Variants in ZNF568 observed in about 807,000 individuals in gnomAD.
ZNF568 encodes zinc finger protein 568, also known as p53 inhibitor of SCO2 activation.
In ZNF568, 11 loss-of-function variants were observed where a neutral mutation model predicts 18.1. The observed-to-expected ratio is 0.61, with a 90% CI of 0.38 to 1.00. The LOEUF (loss-of-function observed/expected upper bound fraction) is 1.00, where lower values mean the gene tolerates loss of function less well. ZNF568 is among the 50% of genes least tolerant of loss of function. The probability of loss-of-function intolerance (pLI) is 0.01; values close to 1 mark genes in which losing one functional copy is unlikely to be tolerated. For synonymous variants in ZNF568, 213 were observed against 246.6 expected, an observed-to-expected ratio of 0.86 and a Z score of 1.28; for missense variants, 639 against 768.2, an observed-to-expected ratio of 0.83 and a Z score of 1.99.
At chr19:36,991,508 T>G (rs1242890952) in intron 3 of ZNF568, 22 of 679,074 alleles carry the variant, frequency 3.2e-5, no homozygotes, top group Non-Finnish European at 1.2e-5. Flanking sequence ...TTCATTATTT[T>G]CATACCTCCC....
intron 6 of ZNF568, among the ~76,000 whole-genome samples, chr19:36,963,270 T>C (rs750099584): frequency 1.8e-4 from 27 of 152,328 alleles, no homozygotes; most frequent in Non-Finnish European, 3.7e-4. Flanking sequence ...TTATGAAAAT[T>C]CTTAATTTCA....
chr19:36,979,077 G>A (rs577128047), exon 8 of ZNF568: 109 of 281,936 alleles, frequency 3.9e-4, no homozygotes, highest in South Asian at 1.9e-3. Context: ...TCTGCCTCCC[G>A]AGTTGAAGTG....
At chr19:36,997,621 G>A, downstream of ZNF568, 1 of 1,520,238 alleles carries the variant, frequency 6.6e-7, no homozygotes. Context: ...TCATACTGGT[G>A]AGAAACCATA....
At chr19:36,991,870 G>A (rs1644682) in intron 4 of ZNF568, 810,019 of 1,541,776 alleles carry the variant, frequency 0.53, 215,116 homozygotes, top group African/African-American at 0.61. Context: ...AACTGGAATG[G>A]GGAGGCCATA....
Position 36,949,952 on chromosome 19 carries a change from A to G in ZNF568, c.799A>G (p.Thr267Ala). 1.2e-6 allele frequency: 2 copies of G among 1,613,892 alleles called. No individual in the cohort carries two copies. The highest frequency in any genetic ancestry group is 1.7e-6 in the Non-Finnish European group (2 of 1,179,952). Residue 267 changes from threonine to alanine, a missense_variant, in exon 7 of 7, where the codon ACA (threonine) becomes GCA (alanine). By Grantham distance (58) the Thr-to-Ala change is moderately conservative (BLOSUM62 0). Transcript: ENST00000333987. ...CTTCAGTAGGAAGGAAAATCTTATT[A>G]CACATCAGAAAATTCATACTGGGGA... ...KAFSRKENLI[T>A]HQKIHTGEKP...
intron 6 of ZNF568, among the ~76,000 whole-genome samples, chr19:36,961,292 A>C: frequency 1.3e-5 from 1 of 78,852 alleles, no homozygotes; most frequent in South Asian, 4.0e-4. Flanking sequence ...TTTTTTTTTT[A>C]ACTCTTTTTG....
chr19:36,987,887 C>T (rs1286208351), intron 2 of ZNF568, among the ~76,000 whole-genome samples: 1 of 144,502 alleles, frequency 6.9e-6, no homozygotes, highest in Admixed American at 7.0e-5. Context: ...TGAAGGGATT[C>T]ATTCTCAGGC....
exon 5 of ZNF568, chr19:36,996,792 T>C: frequency 5.1e-6 from 8 of 1,553,844 alleles, no homozygotes; most frequent in Non-Finnish European, 6.9e-6. Flanking sequence ...AGAAACCTCA[T>C]AAATGTAAGG....
rs146521007 is a variant in ZNF568, at chr19:36,919,832, G to A, written c.-186+2184G>A. On this transcript the variant is annotated intron_variant, in intron 2 of 6. Coordinates refer to ENST00000333987, the MANE Select transcript of ZNF568 (RefSeq NM_198539.4). Reference sequence around the variant, plus strand: ...CTCATGTGTTTGCAGTGATGCTGCTGTAAACAAACCTACTCTGCTGCCAGT... The same window carrying A: ...CTCATGTGTTTGCAGTGATGCTGCTATAAACAAACCTACTCTGCTGCCAGT... Among the ~76,000 whole-genome samples the A allele has an allele frequency of 2.2e-4, 33 of 152,240 alleles. No individual in the cohort carries two copies. The East Asian group carries it at 3.1e-3, about 14-fold the overall frequency.
rs530672150 is a variant in ZNF568, at chr19:36,997,137, G to A, written c.1050G>A (p.Arg350=). 5.7e-6 allele frequency: 9 copies of A among 1,577,170 alleles called. No homozygotes were observed. The East Asian group carries it at 1.6e-4, about 28-fold the overall frequency. ...CTGGTGAAAGACGCTATGAATGCAG[G>A]GAGTGTGGAAAGGTGTACAGTTGTG... Residue 350 remains arginine, a synonymous_variant, in exon 5 of 5, where the codon AGG becomes AGA. Transcript: ENST00000433993.
chr19:36,953,503 A>G (rs566511292), downstream of ZNF568, among the ~76,000 whole-genome samples: 1 of 152,318 alleles, frequency 6.6e-6, no homozygotes, highest in African/African-American at 2.4e-5. Context: ...CCTCTTGAAG[A>G]GTCTCATTCT....
chr19:36,994,227 C>T (rs1243749554), intron 4 of ZNF568, among the ~76,000 whole-genome samples: 1 of 152,036 alleles, frequency 6.6e-6, no homozygotes, highest in Admixed American at 6.6e-5. Flanking sequence ...AGATTTCCTT[C>T]TGCTGTTGAT....
In ZNF568 at chr19:36,950,787, T is replaced by A. The variant is rs749376495; in HGVS notation, c.1634T>A (p.Leu545His). 3 of 1,613,662 alleles carry A rather than the reference T, an allele frequency of 1.9e-6. No individual in the cohort carries two copies. Among genetic ancestry groups the A allele is most frequent in the Admixed American group, 1.7e-5 (1 of 60,012 alleles). Residue 545 changes from leucine to histidine, a missense_variant, in exon 7 of 7, where the codon CTT becomes CAT. Coordinates refer to ENST00000333987, the MANE Select transcript of ZNF568 (RefSeq NM_198539.4). ...AAAGCTTTCAGTCAGAGACAAAATC[T>A]TCTTGAGCATGAAAAAATTCATACT... ...CGKAFSQRQN[L>H]LEHEKIHTGE...
At chr19:36,984,039 C>T (rs945821480), downstream of ZNF568, among the ~76,000 whole-genome samples, 4 of 151,816 alleles carry the variant, frequency 2.6e-5, no homozygotes, top group Admixed American at 6.6e-5. Context: ...GCTGGGATTA[C>T]AGGTGCATGC....
chr19:36,959,888 C>T (rs971047582), intron 6 of ZNF568, among the ~76,000 whole-genome samples: 1 of 151,920 alleles, frequency 6.6e-6, no homozygotes, highest in Non-Finnish European at 1.5e-5. Context: ...TGGGTATTCT[C>T]TCTTCTTGGT....
Position 36,950,960 on chromosome 19 carries a change from A to G in ZNF568, c.1807A>G (p.Ile603Val), listed in dbSNP as rs770893041. 1.2e-6 allele frequency: 2 copies of G among 1,613,728 alleles called. No homozygotes were observed. The highest frequency in any genetic ancestry group is 1.7e-6 in the Non-Finnish European group (2 of 1,179,930). Residue 603 changes from isoleucine to valine, a missense_variant, in exon 7 of 7, where the codon ATA becomes GTA. Transcript: ENST00000333987. The part of the protein sequence containing the change: ...KAFSQCSLLI[I>V]HMRSHTGEKP... ...CTTTTCTCAGTGCTCATTACTTATT[A>G]TACATATGAGAAGTCATACTGGTGA...
chr19:36,970,632 C>T (rs1455191948), intron 6 of ZNF568, among the ~76,000 whole-genome samples: 31 of 151,992 alleles, frequency 2.0e-4, no homozygotes, highest in Non-Finnish European at 4.4e-5. Context: ...CCACCATGCC[C>T]GGCCATGTCT....
intron 6 of ZNF568, among the ~76,000 whole-genome samples, chr19:36,945,411 T>C (rs2073948358): frequency 6.6e-6 from 1 of 152,192 alleles, no homozygotes; most frequent in African/African-American, 2.4e-5. Flanking sequence ...AGGATGAAGA[T>C]GTTTAGGATT....
At chr19:36,932,001 T>C (rs902662115) in intron 4 of ZNF568, among the ~76,000 whole-genome samples, 2 of 152,244 alleles carry the variant, frequency 1.3e-5, no homozygotes, top group Non-Finnish European at 2.9e-5. Flanking sequence ...CTGTTATCCT[T>C]TGTGTTGCCT....
Sources: gnomAD v4.1 joint callset for allele counts (sites outside exome capture counted in the v4.1 genomes callset) on GRCh38, gnomAD v4.1.1 for gene constraint, MANE v1.5 for transcripts, NCBI Gene and HGNC (gene_info 2026-07-23, HGNC 2026-07-21) for gene names.